The following LUZP2 variants were observed in gnomAD, a reference collection of about 807,000 sequenced individuals.
The protein encoded by LUZP2 is leucine zipper protein 2.
A neutral mutation model predicts 51.6 loss-of-function variants in LUZP2; 52 were observed. The observed-to-expected ratio is 1.01, with a 90% CI of 0.81 to 1.27. The LOEUF (loss-of-function observed/expected upper bound fraction) is 1.27, where lower values mean the gene tolerates loss of function less well. Among genes scored for constraint, LUZP2 ranks in the 50% most tolerant of loss-of-function variants. LUZP2 has a pLI of 0.00. For synonymous variants in LUZP2, 154 were observed against 137.3 expected, an observed-to-expected ratio of 1.12 and a Z score of -0.85; for missense variants, 436 against 395.4, an observed-to-expected ratio of 1.10 and a Z score of -0.87.
rs369614404 is a variant in LUZP2, at chr11:24,656,802, TC to T, written c.63-72365del. ...CTTTGCGCTCCGAGCCCCTCTGGTCTCCTCCTCTGCGTATCCCCCTCATCTC... is the reference window on the plus strand; with the variant it reads ...CTTTGCGCTCCGAGCCCCTCTGGTCTCTCCTCTGCGTATCCCCCTCATCTC... On this transcript the variant is annotated intron_variant, in intron 1 of 11. Coordinates refer to ENST00000336930, the MANE Select transcript of LUZP2 (RefSeq NM_001009909.4). 7.1e-4 allele frequency among the ~76,000 whole-genome samples: 108 copies of T among 152,290 alleles called. 3 individuals are homozygous for T. In the South Asian group the frequency reaches 0.015, roughly 21 times the overall value.
At chr11:25,061,381 T>G (rs1858832370) in intron 10 of LUZP2, among the ~76,000 whole-genome samples, 1 of 152,216 alleles carries the variant, frequency 6.6e-6, no homozygotes. Context: ...AACAGGTTAT[T>G]CTAGAGGTGT....
chr11:24,899,865 C>T (rs771271164), intron 5 of LUZP2, among the ~76,000 whole-genome samples: 7 of 152,098 alleles, frequency 4.6e-5, no homozygotes, highest in South Asian at 4.1e-4. Flanking sequence ...TTTAATACTC[C>T]TTTCAAGCTA....
intron 5 of LUZP2, among the ~76,000 whole-genome samples, chr11:24,777,419 A>C (rs1848967840): frequency 6.6e-6 from 1 of 152,168 alleles, no homozygotes; most frequent in Non-Finnish European, 1.5e-5. Context: ...AAAAATAGAA[A>C]GAATGCTGCT....
intron 1 of LUZP2, among the ~76,000 whole-genome samples, chr11:24,581,746 C>A (rs1852864646): frequency 6.7e-6 from 1 of 149,538 alleles, no homozygotes; most frequent in Admixed American, 6.7e-5. Flanking sequence ...TGCTAACCTT[C>A]ATTGAGGATT....
chr11:24,961,565 G>A (rs1377315038), intron 7 of LUZP2, among the ~76,000 whole-genome samples: 1 of 151,984 alleles, frequency 6.6e-6, no homozygotes, highest in Non-Finnish European at 1.5e-5. Context: ...GACTAGGATT[G>A]CAACCCCTGC....
Position 24,522,044 on chromosome 11 carries a change from C to T in LUZP2, c.62+24739C>T, listed in dbSNP as rs1486310789. Among the ~76,000 whole-genome samples the T allele has an allele frequency of 2.6e-5, 4 of 152,110 alleles. No individual in the cohort carries two copies. The East Asian group carries it at 7.7e-4, about 29-fold the overall frequency. ...CTTAACATTTGGCAATAACTGACCACGAGATTCTCTACAAATAAAAATGGC... is the reference window on the plus strand; with the variant it reads ...CTTAACATTTGGCAATAACTGACCATGAGATTCTCTACAAATAAAAATGGC... On this transcript the variant is annotated intron_variant, in intron 1 of 11. Coordinates refer to ENST00000336930, the MANE Select transcript of LUZP2 (RefSeq NM_001009909.4).
intron 5 of LUZP2, among the ~76,000 whole-genome samples, chr11:24,769,409 A>G (rs769020676): frequency 6.6e-6 from 1 of 152,216 alleles, no homozygotes; most frequent in Non-Finnish European, 1.5e-5. Flanking sequence ...CCACAAGGAA[A>G]TAACAACTCT....
At position 24,873,881 on chromosome 11, in the gene LUZP2, A is replaced by T. The variant is rs182915392; in HGVS notation, c.397-32110A>T. 4.8e-3 allele frequency among the ~76,000 whole-genome samples: 724 copies of T among 152,308 alleles called. 2 individuals are homozygous for T. Among genetic ancestry groups the T allele is most frequent in the Non-Finnish European group, 8.7e-3 (589 of 68,026 alleles). On this transcript the variant is annotated intron_variant, in intron 5 of 11. Transcript: ENST00000336930. ...CTAGCTTTCTTGCAGGGCTGTTAAG[A>T]AAATTGTATAAAATAGTAACTGTGA...
chr11:24,678,320 G>T (rs1760113708), intron 1 of LUZP2, among the ~76,000 whole-genome samples: 1 of 152,080 alleles, frequency 6.6e-6, no homozygotes, highest in African/African-American at 2.4e-5. Flanking sequence ...TACACCATTA[G>T]GTGATGATAA....
Position 24,803,622 on chromosome 11 carries a change from T to A in LUZP2, c.396+40314T>A, listed in dbSNP as rs533427730. Among the ~76,000 whole-genome samples, 5 of 152,154 alleles carry A rather than the reference T, an allele frequency of 3.3e-5. No individual in the cohort carries two copies. In the South Asian group the frequency reaches 8.3e-4, roughly 25 times the overall value. On this transcript the variant is annotated intron_variant, in intron 5 of 11. Transcript: ENST00000336930. The stretch of plus-strand genomic sequence containing the variant: ...GAATAGATAAACAAAATGTGGTGTA[T>A]CATACAATGGAATATTATTCAGCCT...
chr11:24,654,669 C>T (rs1309118532), intron 1 of LUZP2, among the ~76,000 whole-genome samples: 2 of 120,934 alleles, frequency 1.7e-5, no homozygotes, highest in Admixed American at 1.1e-4. Flanking sequence ...GGATTACAGG[C>T]GTGCACCACG....
intron 5 of LUZP2, among the ~76,000 whole-genome samples, chr11:24,790,505 T>C (rs1849376645): frequency 6.6e-6 from 1 of 152,072 alleles, no homozygotes; most frequent in African/African-American, 2.4e-5. Context: ...TATTTATTTA[T>C]TTATTTATTT....
intron 4 of LUZP2, among the ~76,000 whole-genome samples, chr11:24,739,566 G>A (rs1859060737): frequency 6.6e-6 from 1 of 152,038 alleles, no homozygotes; most frequent in East Asian, 1.9e-4. Context: ...AAATGTTAAA[G>A]CATCAGATTT....
At chr11:24,708,095 A>T (rs1229825474) in intron 1 of LUZP2, among the ~76,000 whole-genome samples, 2 of 152,138 alleles carry the variant, frequency 1.3e-5, no homozygotes, top group Admixed American at 6.6e-5. Flanking sequence ...GGTGATTGGA[A>T]TGTAGGGTGG....
intron 5 of LUZP2, among the ~76,000 whole-genome samples, chr11:24,783,530 C>T (rs1049622484): frequency 5.3e-5 from 8 of 151,966 alleles, no homozygotes; most frequent in African/African-American, 1.9e-4. Flanking sequence ...AAGGTTCTAA[C>T]ATTTTCCAAA....
intron 1 of LUZP2, among the ~76,000 whole-genome samples, chr11:24,595,468 G>T (rs573825301): frequency 6.6e-6 from 1 of 152,130 alleles, no homozygotes; most frequent in Non-Finnish European, 1.5e-5. Flanking sequence ...GGGGCAAAGC[G>T]CTCTATGAGA....
At chr11:24,870,882 G>A (rs933517620) in intron 5 of LUZP2, among the ~76,000 whole-genome samples, 19 of 151,950 alleles carry the variant, frequency 1.3e-4, no homozygotes, top group Admixed American at 7.2e-4. Flanking sequence ...CTAAATGTAA[G>A]GAGAAAAATG....
At chr11:24,735,183 G>T (rs1858886940) in intron 3 of LUZP2, among the ~76,000 whole-genome samples, 2 of 151,902 alleles carry the variant, frequency 1.3e-5, no homozygotes, top group Non-Finnish European at 2.9e-5. Context: ...AACAGAGAAA[G>T]GAGTGTGTTT....
At chr11:24,873,344 G>T (rs1233740197) in intron 5 of LUZP2, among the ~76,000 whole-genome samples, 1 of 152,086 alleles carries the variant, frequency 6.6e-6, no homozygotes, top group Non-Finnish European at 1.5e-5. Context: ...GTACATTCAG[G>T]ATCACAGATC....
Sources: gnomAD v4.1 joint callset for allele counts (sites outside exome capture counted in the v4.1 genomes callset) on GRCh38, gnomAD v4.1.1 for gene constraint, MANE v1.5 for transcripts, NCBI Gene and HGNC (gene_info 2026-07-23, HGNC 2026-07-21) for gene names.